The following BTBD16 variants were observed in gnomAD, a reference collection of about 807,000 sequenced individuals.
The protein encoded by BTBD16 is BTB/POZ domain-containing protein 16.
Under a neutral mutation model 67.4 loss-of-function variants are expected in BTBD16, and 66 were observed. That is an observed-to-expected ratio of 0.98 (90% confidence interval 0.80 to 1.20). The LOEUF (loss-of-function observed/expected upper bound fraction) is 1.20. BTBD16 is among the 50% of genes most tolerant of loss of function. The pLI is 0.00. For missense variants in BTBD16, 634 were observed against 616.0 expected (o/e 1.03, Z -0.31); for synonymous variants, 242 against 236.4 (o/e 1.02, Z -0.22).
chr10:122,287,915 G>A (rs1014736380), intron 5 of BTBD16, among the ~76,000 whole-genome samples: 9 of 152,188 alleles, frequency 5.9e-5, no homozygotes, highest in African/African-American at 2.2e-4. Flanking sequence ...CTTTGGGGAA[G>A]AGTATGAACA....
intron 2 of BTBD16, among the ~76,000 whole-genome samples, chr10:122,275,496 G>A (rs904154317): frequency 2.6e-5 from 4 of 152,074 alleles, no homozygotes; most frequent in Admixed American, 2.6e-4. Flanking sequence ...TCGTTGTCAC[G>A]ATAACCATTA....
chr10:122,319,737 T>G (rs2142114951), intron 10 of BTBD16, among the ~76,000 whole-genome samples: 1 of 152,290 alleles, frequency 6.6e-6, no homozygotes, highest in South Asian at 2.1e-4. Flanking sequence ...TAAAATCAGC[T>G]TGACAGTTTT....
At chr10:122,329,692 T>G in intron 11 of BTBD16, 121 bp downstream of exon 11, 1 of 783,800 alleles carries the variant, frequency 1.3e-6, no homozygotes, top group Non-Finnish European at 2.1e-6. Flanking sequence ...ATCGTGGCAT[T>G]GTCACTTCCA....
chr10:122,299,835 G>A (rs1486806498), intron 9 of BTBD16, among the ~76,000 whole-genome samples: 1 of 152,146 alleles, frequency 6.6e-6, no homozygotes, highest in Non-Finnish European at 1.5e-5. Context: ...TAACTGTCTT[G>A]CTTCTGGTCT....
rs1234256577 is a variant in BTBD16, at chr10:122,281,775, A to G, written c.168-2076A>G. On this transcript the variant is annotated intron_variant, in intron 3 of 15. Transcript: ENST00000260723. ...CTATGTAACTCTTCCTAGTTAATCA[A>G]ATTGGCATTTTGCCCTTTGGATAGT... is the stretch of plus-strand genomic sequence containing the variant. Among the ~76,000 whole-genome samples the G allele has an allele frequency of 2.0e-5, 3 of 152,224 alleles. No homozygotes were observed. The East Asian group carries it at 5.8e-4, about 29-fold the overall frequency.
At chr10:122,304,618 G>A (rs2096400130) in intron 9 of BTBD16, among the ~76,000 whole-genome samples, 1 of 144,746 alleles carries the variant, frequency 6.9e-6, no homozygotes, top group Non-Finnish European at 1.5e-5. Context: ...GCAGTGGCGT[G>A]ATCTCTGCTC....
intron 12 of BTBD16, 33 bp from the exon 13 acceptor site, chr10:122,332,403 C>T (rs1382407723): frequency 8.7e-6 from 14 of 1,608,926 alleles, no homozygotes; most frequent in Non-Finnish European, 1.1e-5. Flanking sequence ...CAGAGGATCC[C>T]ACCGTGGTCA....
chr10:122,296,486 T>G (rs1164018943), intron 7 of BTBD16, among the ~76,000 whole-genome samples: 1 of 152,098 alleles, frequency 6.6e-6, no homozygotes, highest in Non-Finnish European at 1.5e-5. Flanking sequence ...AGGACAACCA[T>G]TGAGTCATAA....
chr10:122,303,803 T>A (rs948317200), intron 9 of BTBD16, among the ~76,000 whole-genome samples: 3 of 152,222 alleles, frequency 2.0e-5, no homozygotes, highest in African/African-American at 7.2e-5. Context: ...GGTTCTGTCT[T>A]GATTGAGGCC....
intron 5 of BTBD16, 60 bp downstream of exon 5, chr10:122,286,308 G>A: frequency 6.5e-7 from 1 of 1,537,112 alleles, no homozygotes; most frequent in Non-Finnish European, 8.8e-7. Context: ...GACGGTCCCA[G>A]CTTGGAACAT....
At chr10:122,273,752 AAAG>A (rs1413243378) in intron 1 of BTBD16, among the ~76,000 whole-genome samples, 3 of 152,184 alleles carry the variant, frequency 2.0e-5, no homozygotes, top group African/African-American at 7.2e-5. Context: ...TGTCTCAAAA[AAAG>A]AAAAAGTGAT....
chr10:122,311,096 C>T (rs1285722167), intron 10 of BTBD16, among the ~76,000 whole-genome samples: 1 of 152,226 alleles, frequency 6.6e-6, no homozygotes, highest in East Asian at 1.9e-4. Context: ...GCCATTTCTA[C>T]TCTCCCATTT....
intron 3 of BTBD16, among the ~76,000 whole-genome samples, chr10:122,279,734 C>T (rs1198991700): frequency 3.3e-5 from 5 of 152,166 alleles, no homozygotes; most frequent in Admixed American, 3.3e-4. Context: ...ATGCAACATA[C>T]GTTATATCCC....
intron 8 of BTBD16, among the ~76,000 whole-genome samples, chr10:122,298,803 T>C (rs1481873510): frequency 6.6e-6 from 1 of 152,180 alleles, no homozygotes; most frequent in Non-Finnish European, 1.5e-5. Flanking sequence ...TGAGGATTGA[T>C]TTAAATCAAC....
chr10:122,288,282 C>T (rs889452400), intron 5 of BTBD16, among the ~76,000 whole-genome samples: 3 of 152,154 alleles, frequency 2.0e-5, no homozygotes, highest in African/African-American at 4.8e-5. Flanking sequence ...GATGGGAGGC[C>T]GTGTAGTCAT....
chr10:122,302,039 G>A (rs1280600336), intron 9 of BTBD16, among the ~76,000 whole-genome samples: 1 of 152,228 alleles, frequency 6.6e-6, no homozygotes, highest in Admixed American at 6.5e-5. Context: ...CAGGGGTGGA[G>A]TGGCCCTTGG....
chr10:122,285,218 G>T (rs1358780952), intron 4 of BTBD16, among the ~76,000 whole-genome samples: 3 of 152,058 alleles, frequency 2.0e-5, no homozygotes, highest in Non-Finnish European at 4.4e-5. Flanking sequence ...CCTCCCCCCA[G>T]CTCTGTACTA....
chr10:122,284,714 A>G (rs1479044248), intron 4 of BTBD16, among the ~76,000 whole-genome samples: 2 of 140,340 alleles, frequency 1.4e-5, no homozygotes, highest in African/African-American at 5.3e-5. Flanking sequence ...AGCCTACTGC[A>G]TGGTGTGACT....
intron 3 of BTBD16, among the ~76,000 whole-genome samples, chr10:122,277,178 A>G (rs1041508014): frequency 3.0e-5 from 4 of 133,532 alleles, no homozygotes; most frequent in African/African-American, 1.4e-4. Context: ...TTTTTTTTAC[A>G]ATTTTTCTTC....
Sources: allele counts gnomAD v4.1 joint callset (sites outside exome capture counted in the v4.1 genomes callset), GRCh38; gene constraint gnomAD v4.1.1; transcripts MANE v1.5; gene names NCBI Gene and HGNC (gene_info 2026-07-23, HGNC 2026-07-21).